The following TTC39B variants were observed in gnomAD, a reference collection of about 807,000 sequenced individuals.
The protein encoded by TTC39B is tetratricopeptide repeat domain 39B.
In TTC39B, 92 loss-of-function variants were observed where a neutral mutation model predicts 96.6. The observed-to-expected ratio is 0.95, with a 90% CI of 0.80 to 1.13. The LOEUF is 1.13. Ranked by LOEUF, TTC39B falls within the 50% of genes most tolerant of loss-of-function variation. The pLI, the probability that TTC39B is intolerant of heterozygous loss-of-function variation, is 0.00. For missense variants in TTC39B, 955 were observed against 809.3 expected, an observed-to-expected ratio of 1.18 and a Z score of -2.18; for synonymous variants, 367 against 299.4, an observed-to-expected ratio of 1.23 and a Z score of -2.33.
At chr9:15,277,406 C>G (rs1293327172) in intron 1 of TTC39B, among the ~76,000 whole-genome samples, 2 of 152,176 alleles carry the variant, frequency 1.3e-5, no homozygotes, top group Non-Finnish European at 2.9e-5. Context: ...CCAGCCCGAG[C>G]AACAAGAAAC....
chr9:15,224,468 G>A (rs1216084599), intron 3 of TTC39B: 2 of 152,272 alleles, frequency 1.3e-5, no homozygotes, highest in East Asian at 3.8e-4. Context: ...TTCCCAAAAG[G>A]TTCCTTCCTC....
rs80008592 is a variant in TTC39B at position 15,244,914 on chromosome 9, T to C, written c.276-18902A>G. ...GACAATTCTGACAACAAGTTTTCCT[T>C]TTATTTGCCTCATGATCCATGGAGG... On this transcript the variant is annotated intron_variant, in intron 2 of 19. Transcript: ENST00000512701. 2.8e-4 allele frequency among the ~76,000 whole-genome samples: 42 copies of C among 152,046 alleles called. 1 individual carries two copies. In the East Asian group the frequency reaches 8.1e-3, roughly 29 times the overall value.
intron 6 of TTC39B, among the ~76,000 whole-genome samples, chr9:15,207,756 C>G (rs111721182): frequency 9.2e-5 from 14 of 151,782 alleles, no homozygotes; most frequent in African/African-American, 3.4e-4. Flanking sequence ...GAGGCTGAGG[C>G]GGGCGGATCA....
At chr9:15,211,127 A>G in intron 5 of TTC39B, 139 bp downstream of exon 5, 2 of 999,962 alleles carry the variant, frequency 2.0e-6, no homozygotes, top group Non-Finnish European at 2.7e-6. Context: ...GGAATCCTTC[A>G]GCTTCGAGGC....
At chr9:15,243,327 T>G (rs1326120065) in intron 2 of TTC39B, among the ~76,000 whole-genome samples, 3 of 152,220 alleles carry the variant, frequency 2.0e-5, no homozygotes, top group African/African-American at 7.2e-5. Context: ...AATTGACCAC[T>G]TAATGTGCTT....
intron 1 of TTC39B, among the ~76,000 whole-genome samples, chr9:15,287,362 G>A (rs1470207620): frequency 6.6e-6 from 1 of 152,212 alleles, no homozygotes; most frequent in African/African-American, 2.4e-5. Flanking sequence ...AGAAAGCTGA[G>A]AAACAGCTAG....
intron 8 of TTC39B, among the ~76,000 whole-genome samples, chr9:15,193,093 CAAG>C (rs1186270816): frequency 2.0e-5 from 3 of 152,196 alleles, no homozygotes; most frequent in Non-Finnish European, 4.4e-5. Context: ...ATGCTACTGG[CAAG>C]AAGATCTGAA....
chr9:15,271,291 G>A (rs1483405794), intron 1 of TTC39B, among the ~76,000 whole-genome samples: 1 of 152,174 alleles, frequency 6.6e-6, no homozygotes, highest in Non-Finnish European at 1.5e-5. Context: ...TCCGCACACT[G>A]TGAAGTTACA....
At chr9:15,211,328 G>T (rs771982561) in exon 5 of TTC39B, 4 of 1,595,262 alleles carry the variant, frequency 2.5e-6, no homozygotes, top group Non-Finnish European at 3.4e-6. Flanking sequence ...CCTGTTGCTC[G>T]AAGGTCAGGA....
chr9:15,288,360 C>A (rs11794919), intron 1 of TTC39B, among the ~76,000 whole-genome samples: 1 of 151,854 alleles, frequency 6.6e-6, no homozygotes, highest in Non-Finnish European at 1.5e-5. Flanking sequence ...ATATAAACGC[C>A]AAAACCCCGG....
intron 18 of TTC39B, 52 bp from the exon 19 acceptor site, chr9:15,175,187 A>G (rs758012177): frequency 1.2e-5 from 15 of 1,215,762 alleles, no homozygotes; most frequent in Non-Finnish European, 1.8e-5. Context: ...AGAAATACAC[A>G]TTTTTCTAAA....
chr9:15,197,348 C>G (rs771892828), intron 8 of TTC39B, among the ~76,000 whole-genome samples: 2 of 152,138 alleles, frequency 1.3e-5, no homozygotes, highest in Non-Finnish European at 2.9e-5. Context: ...ACAAAGAAAT[C>G]TATACAACAG....
intron 14 of TTC39B, 87 bp from the exon 15 acceptor site, chr9:15,187,122 C>T (rs369218403): frequency 4.2e-6 from 4 of 941,536 alleles, no homozygotes; most frequent in African/African-American, 1.7e-5. Context: ...AACAAGTCTT[C>T]CAGATATAAA....
chr9:15,218,993 G>C (rs561357464), intron 3 of TTC39B, among the ~76,000 whole-genome samples: 1 of 152,182 alleles, frequency 6.6e-6, no homozygotes, highest in East Asian at 1.9e-4. Flanking sequence ...GAAATAACTG[G>C]TGACTTTTTT....
intron 1 of TTC39B, among the ~76,000 whole-genome samples, chr9:15,293,624 C>T (rs1489019922): frequency 6.6e-6 from 1 of 152,130 alleles, no homozygotes; most frequent in Non-Finnish European, 1.5e-5. Context: ...CACCTGTACC[C>T]CAGCCAGGTG....
intron 1 of TTC39B, among the ~76,000 whole-genome samples, chr9:15,305,599 A>G (rs1000740495): frequency 2.0e-5 from 3 of 151,682 alleles, no homozygotes; most frequent in African/African-American, 7.3e-5. Flanking sequence ...TTTACCAAGT[A>G]TCTGTGTGCC....
At chr9:15,240,107 AG>A (rs2131466355) in intron 2 of TTC39B, among the ~76,000 whole-genome samples, 2 of 152,342 alleles carry the variant, frequency 1.3e-5, no homozygotes, top group African/African-American at 4.8e-5. Context: ...CAGAGGAAGG[AG>A]GAGGTGCTGC....
intron 2 of TTC39B, among the ~76,000 whole-genome samples, chr9:15,242,148 T>A (rs1010907934): frequency 7.2e-5 from 11 of 152,228 alleles, no homozygotes; most frequent in African/African-American, 2.4e-4. Flanking sequence ...TTGCAGGTAA[T>A]GATCTTCAAT....
At chr9:15,219,243 A>T (rs916553912) in intron 3 of TTC39B, among the ~76,000 whole-genome samples, 4 of 152,190 alleles carry the variant, frequency 2.6e-5, no homozygotes, top group African/African-American at 9.7e-5. Flanking sequence ...AGTAGTTGTA[A>T]AGATGGAGGA....
Sources: allele counts gnomAD v4.1 joint callset (sites outside exome capture counted in the v4.1 genomes callset), GRCh38; gene constraint gnomAD v4.1.1; transcripts MANE v1.5; gene names NCBI Gene and HGNC (gene_info 2026-07-23, HGNC 2026-07-21).